The following LOC101059915 variants were observed in gnomAD, a reference collection of about 807,000 sequenced individuals.
chrX:71,669,178 G>T, the LOC101059915 span: 4 of 814,215 alleles, frequency 4.9e-6, no homozygotes, highest in Non-Finnish European at 6.7e-6. Context: ...CTCACAGGTT[G>T]TCATCGGGAG....
the LOC101059915 span, chrX:71,671,429 C>A: frequency 2.2e-6 from 1 of 448,015 alleles, no homozygotes; most frequent in Non-Finnish European, 3.8e-6. Flanking sequence ...AGCGGGTTCC[C>A]TCCATATCCT....
the LOC101059915 span, chrX:71,668,409 G>A: frequency 3.4e-6 from 4 of 1,160,035 alleles, no homozygotes; most frequent in African/African-American, 5.3e-5. Context: ...GCCCCGCCGG[G>A]CTGAATACTG....
At chrX:71,670,785 C>G in the LOC101059915 span, 1 of 1,075,986 alleles carries the variant, frequency 9.3e-7, no homozygotes, top group African/African-American at 1.9e-5. Flanking sequence ...GAGAACCAAG[C>G]AGGCCTGGCC....
the LOC101059915 span, chrX:71,671,115 T>G: frequency 8.7e-7 from 1 of 1,155,576 alleles, no homozygotes; most frequent in Non-Finnish European, 1.2e-6. Flanking sequence ...GTGGGGTTTC[T>G]GGTTGCAGGG....
the LOC101059915 span, chrX:71,670,859 C>T: frequency 1.3e-6 from 1 of 754,149 alleles, no homozygotes; most frequent in Non-Finnish European, 1.6e-6. Context: ...GTCTGAACTC[C>T]GTGTACACTT....
At chrX:71,670,564 G>A in the LOC101059915 span, 1 of 1,096,790 alleles carries the variant, frequency 9.1e-7, no homozygotes. Context: ...GAGAAAGGAA[G>A]CCAGAATTGA....
At chrX:71,667,609 G>A in the LOC101059915 span, 2 of 307,718 alleles carry the variant, frequency 6.5e-6, no homozygotes, top group African/African-American at 2.7e-5. Context: ...ACTGTGGTGA[G>A]GGTGGCGGTG....
chrX:71,669,173 A>C, the LOC101059915 span: 2 of 861,164 alleles, frequency 2.3e-6, no homozygotes, highest in Non-Finnish European at 3.1e-6. Flanking sequence ...CCTTGCTCAC[A>C]GGTTGTCATC....
At chrX:71,669,565 A>C in the LOC101059915 span, 2 of 959,431 alleles carry the variant, frequency 2.1e-6, no homozygotes, top group South Asian at 1.1e-4. Context: ...TTAGCTTCCC[A>C]CACAGAAGCC....
the LOC101059915 span, chrX:71,670,653 A>C: frequency 9.0e-7 from 1 of 1,114,273 alleles, no homozygotes. Flanking sequence ...TTAGAGACCA[A>C]CTAGGTATGA....
the LOC101059915 span, chrX:71,669,659 C>T: frequency 6.2e-6 from 6 of 969,780 alleles, no homozygotes; most frequent in African/African-American, 1.2e-4. Context: ...CTAGGAACCT[C>T]ACAGCCCTCG....
At chrX:71,667,815 G>C in the LOC101059915 span, 2 of 1,063,158 alleles carry the variant, frequency 1.9e-6, no homozygotes, top group Non-Finnish European at 2.4e-6. Flanking sequence ...TGAGCTCCAC[G>C]GATGAAGTGT....
the LOC101059915 span, chrX:71,667,908 C>T: frequency 1.3e-5 from 15 of 1,124,785 alleles, no homozygotes; most frequent in East Asian, 3.3e-5. Flanking sequence ...CACGGGGTGA[C>T]GGCCACGGCC....
the LOC101059915 span, chrX:71,670,416 C>T: frequency 3.1e-5 from 36 of 1,148,116 alleles, no homozygotes; most frequent in Non-Finnish European, 3.8e-5. Context: ...ATTTCGGTGT[C>T]TCCCCAATCC....
chrX:71,671,146 G>T, the LOC101059915 span: 1 of 1,162,678 alleles, frequency 8.6e-7, no homozygotes, highest in Non-Finnish European at 1.1e-6. Context: ...CCCCACGGGG[G>T]CAGGGCGTGG....
the LOC101059915 span, chrX:71,667,919 G>A: frequency 1.6e-5 from 18 of 1,136,094 alleles, no homozygotes; most frequent in African/African-American, 1.3e-4. Context: ...GGCCACGGCC[G>A]AGACCTCAAT....
At chrX:71,668,091 G>A in the LOC101059915 span, 11 of 1,147,718 alleles carry the variant, frequency 9.6e-6, no homozygotes, top group Admixed American at 1.1e-4. Context: ...ACGACCAAGC[G>A]GGTGGTGGGG....
chrX:71,669,187 A>T, the LOC101059915 span: 3,293 of 766,582 alleles, frequency 4.3e-3, 3 homozygotes, highest in Non-Finnish European at 5.3e-3. Context: ...TGTCATCGGG[A>T]GCCCAGGGAC....
At chrX:71,669,684 A>T in the LOC101059915 span, 1 of 972,434 alleles carries the variant, frequency 1.0e-6, no homozygotes, top group Non-Finnish European at 1.3e-6. Flanking sequence ...TTACCTTGAG[A>T]CGCCTGGTGC....
Sources: allele counts gnomAD v4.1 joint callset, GRCh38; gene constraint gnomAD v4.1.1; transcripts MANE v1.5.